NDUFAF6: variants seen among roughly 807,000 people sequenced by gnomAD.
The protein encoded by NDUFAF6 is NADH dehydrogenase (ubiquinone) complex I, assembly factor 6.
In NDUFAF6, 45 loss-of-function variants were observed where a neutral mutation model predicts 40.8. The ratio of observed to expected loss-of-function variants is 1.10; its 90% confidence interval spans 0.87 to 1.42. The LOEUF (loss-of-function observed/expected upper bound fraction) is 1.42, where lower values mean the gene tolerates loss of function less well. Ranked by LOEUF, NDUFAF6 falls within the 40% of genes most tolerant of loss-of-function variation. NDUFAF6 has a pLI of 0.00. For missense variants in NDUFAF6, 435 were observed against 418.5 expected (o/e 1.04, Z -0.34); for synonymous variants, 185 against 155.9 (o/e 1.19, Z -1.39).
Position 94,909,365 on chromosome 8 carries a change from A to C in NDUFAF6, c.-936+13438A>C, listed in dbSNP as rs1219611576. The stretch of plus-strand genomic sequence containing the variant: ...CTCCGTCTCAAAAAAAAAAAAAAAA[A>C]AAAAAAAAAAAAAAAAACACTTCGG... On this transcript the variant is annotated intron_variant, in intron 1 of 14. Coordinates refer to the NDUFAF6 transcript ENST00000396113. Among the ~76,000 whole-genome samples, 19 of 22,166 alleles carry C rather than the reference A, an allele frequency of 8.6e-4. No homozygotes were observed. In the East Asian group the frequency reaches 8.6e-3, roughly 10 times the overall value. 14.5% of individuals were successfully genotyped at this position (22,166 alleles called of 152,430 possible).
In NDUFAF6 at chr8:94,931,612, A is replaced by ATAT. The variant is rs1356237037; in HGVS notation, c.-935-13871_-935-13870insTAT. On this transcript the variant is annotated intron_variant, in intron 1 of 14. Coordinates refer to the NDUFAF6 transcript ENST00000396113. ...TACACACACACACACACACACACATAAAATTTTTTTAAAGTAGAATTTTAA... is the reference window on the plus strand; with the variant it reads ...TACACACACACACACACACACACATATATAAATTTTTTTAAAGTAGAATTTTAA... Among the ~76,000 whole-genome samples the ATAT allele has an allele frequency of 8.6e-5, 13 of 151,920 alleles. No individual in the cohort carries two copies. The East Asian group carries it at 2.5e-3, about 29-fold the overall frequency.
At chr8:95,114,630 GACTTTCTGTATATATTTTCT>G (rs1202863682) in intron 4 of NDUFAF6, among the ~76,000 whole-genome samples, 1 of 152,178 alleles carries the variant, frequency 6.6e-6, no homozygotes, top group Non-Finnish European at 1.5e-5. Context: ...TCATCTTGCT[GACTTTCTGTATATATTTTCT>G]ACCACTGTTC....
chr8:94,992,776 C>G (rs1215446499), intron 2 of NDUFAF6, among the ~76,000 whole-genome samples: 1 of 152,220 alleles, frequency 6.6e-6, no homozygotes, highest in African/African-American at 2.4e-5. Context: ...TCATAATTCT[C>G]TGATCCTTTA....
chr8:95,077,170 C>T (rs868858143), downstream of NDUFAF6, among the ~76,000 whole-genome samples: 17 of 152,330 alleles, frequency 1.1e-4, no homozygotes, highest in African/African-American at 3.8e-4. Flanking sequence ...CTACCTTCCA[C>T]AACTGTGAGG....
intron 9 of NDUFAF6, among the ~76,000 whole-genome samples, chr8:95,069,814 TA>T (rs1223725915): frequency 7.0e-6 from 1 of 143,746 alleles, no homozygotes; most frequent in Non-Finnish European, 1.5e-5. Context: ...TATATATAAA[TA>T]TATATATATA....
At chr8:95,031,948 A>G in intron 1 of NDUFAF6, 47 bp from the exon 2 acceptor site, 1 of 1,550,592 alleles carries the variant, frequency 6.4e-7, no homozygotes. Flanking sequence ...TTTTTTGTGC[A>G]GCTTGGAAAG....
intron 2 of NDUFAF6, among the ~76,000 whole-genome samples, chr8:95,011,595 T>C (rs1337113900): frequency 6.6e-6 from 1 of 152,176 alleles, no homozygotes; most frequent in Non-Finnish European, 1.5e-5. Context: ...TGGTGTACAC[T>C]CTTTTGACCT....
chr8:95,024,735 T>A (rs1827862268), upstream of NDUFAF6, among the ~76,000 whole-genome samples: 1 of 152,062 alleles, frequency 6.6e-6, no homozygotes, highest in Non-Finnish European at 1.5e-5. Context: ...TTCTTGTAGG[T>A]GCTCTGAGGT....
At chr8:95,008,940 T>TA (rs1334648270) in intron 2 of NDUFAF6, among the ~76,000 whole-genome samples, 1 of 152,194 alleles carries the variant, frequency 6.6e-6, no homozygotes, top group African/African-American at 2.4e-5. Flanking sequence ...CTCACGCCTA[T>TA]AATCATAGCA....
intron 1 of NDUFAF6, among the ~76,000 whole-genome samples, chr8:94,976,764 G>T (rs915038774): frequency 3.3e-5 from 5 of 152,210 alleles, no homozygotes; most frequent in Middle Eastern, 3.4e-3. Context: ...TGTTTAATGG[G>T]TATAGAGTTT....
intron 1 of NDUFAF6, among the ~76,000 whole-genome samples, chr8:94,922,781 T>A (rs778600241): frequency 1.3e-4 from 20 of 152,218 alleles, no homozygotes; most frequent in Non-Finnish European, 1.2e-4. Context: ...GCTGGCTGAA[T>A]CTGCATTTTT....
chr8:94,951,338 A>T (rs1417727862), intron 2 of NDUFAF6: 1 of 152,260 alleles, frequency 6.6e-6, no homozygotes, highest in Non-Finnish European at 1.5e-5. Flanking sequence ...AGCCATCCCC[A>T]CGGAGCACTG....
chr8:95,018,053 A>AT (rs891921266), intron 2 of NDUFAF6, among the ~76,000 whole-genome samples: 16 of 151,648 alleles, frequency 1.1e-4, no homozygotes, highest in Non-Finnish European at 1.3e-4. Flanking sequence ...GCTTCAGAAT[A>AT]TTTTTTTTTC....
intron 1 of NDUFAF6, among the ~76,000 whole-genome samples, chr8:94,971,158 C>T (rs1824429164): frequency 6.6e-6 from 1 of 152,226 alleles, no homozygotes; most frequent in South Asian, 2.1e-4. Flanking sequence ...GAAATGAACA[C>T]ACCTGCAAGG....
At chr8:94,982,262 C>A (rs1255172430) in intron 2 of NDUFAF6, among the ~76,000 whole-genome samples, 2 of 152,068 alleles carry the variant, frequency 1.3e-5, no homozygotes, top group Non-Finnish European at 2.9e-5. Context: ...CTTTTCTATG[C>A]TTAGATGTGT....
intron 1 of NDUFAF6, among the ~76,000 whole-genome samples, chr8:94,978,608 G>A (rs1295844550): frequency 1.3e-5 from 2 of 152,050 alleles, no homozygotes; most frequent in Admixed American, 1.3e-4. Context: ...CAGGTACTTG[G>A]GAGGCTGAGG....
At chr8:95,046,564 TC>T (rs531783017) in intron 5 of NDUFAF6, among the ~76,000 whole-genome samples, 2 of 152,306 alleles carry the variant, frequency 1.3e-5, no homozygotes, top group East Asian at 3.9e-4. Context: ...CCATTGCATC[TC>T]CCAGGCCTAT....
chr8:95,117,384 A>G (rs1055740775), downstream of NDUFAF6, among the ~76,000 whole-genome samples: 1 of 152,176 alleles, frequency 6.6e-6, no homozygotes, highest in African/African-American at 2.4e-5. Context: ...TTAGTCAGCG[A>G]TTATCACCCA....
At chr8:95,072,364 T>C (rs1310607997) in intron 9 of NDUFAF6, among the ~76,000 whole-genome samples, 2 of 152,222 alleles carry the variant, frequency 1.3e-5, no homozygotes, top group Non-Finnish European at 2.9e-5. Context: ...TATACTGGTA[T>C]ACACTTTCAT....
Sources: allele counts gnomAD v4.1 joint callset (sites outside exome capture counted in the v4.1 genomes callset), GRCh38; gene constraint gnomAD v4.1.1; transcripts MANE v1.5; gene names NCBI Gene and HGNC (gene_info 2026-07-23, HGNC 2026-07-21).